The following GPC5 variants were observed in gnomAD, a reference collection of about 807,000 sequenced individuals.
GPC5 encodes glypican 5, also known as glypican-5.
Under a neutral mutation model 53.9 loss-of-function variants are expected in GPC5, and 47 were observed. The ratio of observed to expected loss-of-function variants is 0.87; its 90% CI spans 0.69 to 1.11. The LOEUF (loss-of-function observed/expected upper bound fraction) is 1.11, where lower values mean the gene tolerates loss of function less well. Ranked by LOEUF, GPC5 falls within the 50% of genes most tolerant of loss-of-function variation. The pLI, the probability that GPC5 is intolerant of heterozygous loss-of-function variation, is 0.00. For missense variants in GPC5, 748 were observed against 713.1 expected, an observed-to-expected ratio of 1.05 and a Z score of -0.56; for synonymous variants, 286 against 263.3, an observed-to-expected ratio of 1.09 and a Z score of -0.84.
At chr13:92,217,320 T>C (rs1157428643) in intron 7 of GPC5, among the ~76,000 whole-genome samples, 2 of 152,212 alleles carry the variant, frequency 1.3e-5, no homozygotes, top group Non-Finnish European at 1.5e-5. Context: ...TACACTTCCT[T>C]GTAAAATCCA....
chr13:92,762,179 A>T (rs1289738435), intron 7 of GPC5, among the ~76,000 whole-genome samples: 1 of 152,146 alleles, frequency 6.6e-6, no homozygotes, highest in Non-Finnish European at 1.5e-5. Flanking sequence ...TCTAGTATGA[A>T]GGCTAAAAAA....
At chr13:91,602,502 T>A (rs772535277) in intron 2 of GPC5, among the ~76,000 whole-genome samples, 1 of 152,240 alleles carries the variant, frequency 6.6e-6, no homozygotes, top group Admixed American at 6.5e-5. Flanking sequence ...ATAGCTTTTA[T>A]ATTTTTGTCT....
chr13:92,180,376 A>C (rs2042137947), intron 7 of GPC5, among the ~76,000 whole-genome samples: 1 of 152,260 alleles, frequency 6.6e-6, no homozygotes, highest in Non-Finnish European at 1.5e-5. Flanking sequence ...GAAATAAGAT[A>C]TCACAACAAC....
chr13:91,929,561 C>T lies in GPC5; in HGVS notation c.1401+21504C>T, dbSNP rs1476226210. Among the ~76,000 whole-genome samples, 4 of 151,914 alleles carry T rather than the reference C, an allele frequency of 2.6e-5. No homozygotes were observed. In the East Asian group the frequency reaches 7.7e-4, roughly 29 times the overall value. On this transcript the variant is annotated intron_variant, in intron 6 of 7. Transcript: ENST00000377067. Reference sequence around the variant, plus strand: ...CATGTAAGCAGATGTGATTTTTATTCTTTTTCCTTTTCATTGAACAGTTAC... The same window carrying T: ...CATGTAAGCAGATGTGATTTTTATTTTTTTTCCTTTTCATTGAACAGTTAC...
chr13:92,122,127 C>G (rs577070794), intron 6 of GPC5, among the ~76,000 whole-genome samples: 1 of 152,106 alleles, frequency 6.6e-6, no homozygotes, highest in Admixed American at 6.5e-5. Context: ...AGATGCAGAT[C>G]AAGCAGTAAT....
rs188533351 is a variant in GPC5 at position 92,637,203 on chromosome 13, T to C, written c.1562-229079T>C. 2.4e-3 allele frequency among the ~76,000 whole-genome samples: 358 copies of C among 152,282 alleles called. 1 individual carries two copies. The highest frequency in any genetic ancestry group is 4.1e-3 in the Non-Finnish European group (278 of 68,006). The stretch of plus-strand genomic sequence containing the variant: ...ATTTTTCTGAAGAGAAATCTGATCA[T>C]TAAATTTAGCTAATCGATTGCAAAA... On this transcript the variant is annotated intron_variant, in intron 7 of 7. Coordinates refer to ENST00000377067, the MANE Select transcript of GPC5 (RefSeq NM_004466.6).
chr13:91,741,797 A>G (rs1438057853), intron 4 of GPC5, among the ~76,000 whole-genome samples: 1 of 152,224 alleles, frequency 6.6e-6, no homozygotes, highest in Non-Finnish European at 1.5e-5. Flanking sequence ...TGAATTGTAT[A>G]TACAAATATT....
intron 6 of GPC5, among the ~76,000 whole-genome samples, chr13:91,984,065 C>A (rs555517364): frequency 6.6e-6 from 1 of 151,726 alleles, no homozygotes; most frequent in Non-Finnish European, 1.5e-5. Flanking sequence ...GTGCTCCACC[C>A]GAACAACATA....
intron 6 of GPC5, among the ~76,000 whole-genome samples, chr13:92,059,388 T>C (rs567612932): frequency 6.6e-6 from 1 of 152,220 alleles, no homozygotes; most frequent in Non-Finnish European, 1.5e-5. Context: ...ATATTCATTG[T>C]TGAATATCAA....
intron 7 of GPC5, among the ~76,000 whole-genome samples, chr13:92,345,182 A>G (rs9523634): frequency 0.098 from 14,963 of 152,240 alleles, 811 homozygotes; most frequent in Middle Eastern, 0.15. Flanking sequence ...ATATAACAAA[A>G]TAAGCAAATC....
chr13:92,359,666 C>T (rs999570289), intron 7 of GPC5, among the ~76,000 whole-genome samples: 10 of 151,680 alleles, frequency 6.6e-5, no homozygotes, highest in African/African-American at 2.0e-4. Flanking sequence ...GGGAAACTTA[C>T]AATCATGGCA....
chr13:92,424,484 A>G (rs1344012255), intron 7 of GPC5, among the ~76,000 whole-genome samples: 1 of 152,074 alleles, frequency 6.6e-6, no homozygotes, highest in Non-Finnish European at 1.5e-5. Flanking sequence ...TATTCTAGAA[A>G]CAAAATGCCT....
chr13:91,985,749 T>C (rs562834391), intron 6 of GPC5, among the ~76,000 whole-genome samples: 28 of 152,332 alleles, frequency 1.8e-4, no homozygotes, highest in Admixed American at 1.6e-3. Flanking sequence ...CCTTTTGTGC[T>C]ATTTTGTCAT....
intron 4 of GPC5, among the ~76,000 whole-genome samples, chr13:91,733,292 A>C (rs2036742502): frequency 1.3e-5 from 2 of 151,796 alleles, no homozygotes; most frequent in African/African-American, 4.8e-5. Flanking sequence ...GCACCACCAC[A>C]CCTGGCTAAT....
Position 92,038,384 on chromosome 13 carries a change from G to GA in GPC5, c.1402-106446_1402-106445insA, listed in dbSNP as rs1566406945. Among the ~76,000 whole-genome samples, 454 of 73,814 alleles carry GA rather than the reference G, an allele frequency of 6.2e-3. 6 individuals carry two copies. The highest frequency in any genetic ancestry group is 3.7e-3 in the African/African-American group (57 of 15,574). The allele number at this position is 73,814 out of a possible 152,430, so 48.4% of individuals were successfully genotyped here. ...GATAGATAGATAGATAGATAGATAGGTAGATAGATAGATCGATCCCTGTTT... is the reference window on the plus strand; with the variant it reads ...GATAGATAGATAGATAGATAGATAGGATAGATAGATAGATCGATCCCTGTTT... On this transcript the variant is annotated intron_variant, in intron 6 of 7. Transcript: ENST00000377067.
chr13:92,509,150 G>A (rs1183068684), intron 7 of GPC5, among the ~76,000 whole-genome samples: 1 of 152,174 alleles, frequency 6.6e-6, no homozygotes, highest in South Asian at 2.1e-4. Context: ...CATGGTATAG[G>A]CTCTATCATG....
chr13:91,560,391 T>A (rs532502650), intron 2 of GPC5, among the ~76,000 whole-genome samples: 9 of 152,264 alleles, frequency 5.9e-5, no homozygotes, highest in Admixed American at 3.9e-4. Flanking sequence ...CATTGATATG[T>A]GTTTGCTGAT....
At chr13:91,819,637 A>T (rs2038459229) in intron 5 of GPC5, among the ~76,000 whole-genome samples, 1 of 152,186 alleles carries the variant, frequency 6.6e-6, no homozygotes, top group South Asian at 2.1e-4. Context: ...ATAACAATTT[A>T]TTGAGCTATT....
At chr13:91,814,049 C>T (rs535273513) in intron 5 of GPC5, among the ~76,000 whole-genome samples, 2 of 150,856 alleles carry the variant, frequency 1.3e-5, no homozygotes, top group South Asian at 2.1e-4. Flanking sequence ...TCTCCTGCCT[C>T]AGCCTCCCAA....
Sources: gnomAD v4.1 joint callset for allele counts (sites outside exome capture counted in the v4.1 genomes callset) on GRCh38, gnomAD v4.1.1 for gene constraint, MANE v1.5 for transcripts, NCBI Gene and HGNC (gene_info 2026-07-23, HGNC 2026-07-21) for gene names.